Variants in ETV7 observed in about 807,000 individuals in gnomAD.
ETV7 encodes the protein transcription factor ETV7.
ETV7 carries 43 observed loss-of-function variants against 39.1 expected under a neutral mutation model. That is an observed-to-expected ratio of 1.10 (90% CI 0.86 to 1.42). The LOEUF (loss-of-function observed/expected upper bound fraction) is 1.42, where lower values mean the gene tolerates loss of function less well. ETV7 is among the 40% of genes most tolerant of loss of function. The pLI is 0.00. For synonymous variants in ETV7, 196 were observed against 176.6 expected, an observed-to-expected ratio of 1.11 and a Z score of -0.87; for missense variants, 432 against 442.3, an observed-to-expected ratio of 0.98 and a Z score of 0.21.
In ETV7 at chr6:36,373,531, C is replaced by T. The variant is rs750639058; in HGVS notation, c.355G>A (p.Ala119Thr). The change falls in exon 4 of 8, where the codon GCC (alanine) becomes ACC (threonine). Residue 119 changes from alanine (A) to threonine (T), a missense_variant. Coordinates refer to ENST00000340181, the MANE Select transcript of ETV7 (RefSeq NM_016135.4). ...LLQYIKTQRRALVCGPFFGGI... is the reference protein window; with the variant it reads ...LLQYIKTQRRTLVCGPFFGGI... ...CCAAAAAAGGGCCCACACACCAGGG[C>T]TCGCCGCTGGGTCTTGATGTACTGG... 3.2e-6 allele frequency: 5 copies of T among 1,543,320 alleles called. No homozygotes were observed. The highest frequency in any genetic ancestry group is 3.5e-6 in the Non-Finnish European group (4 of 1,144,072).
At position 36,359,456 on chromosome 6, in the gene ETV7, AAAAAAAGAAAAAAG is replaced by A. The variant is rs372089484; in HGVS notation, c.909-4783_909-4770del. Among the ~76,000 whole-genome samples, 797 of 151,970 alleles carry A rather than the reference AAAAAAAGAAAAAAG, an allele frequency of 5.2e-3. 6 individuals are homozygous for A. The highest frequency in any genetic ancestry group is 0.018 in the African/African-American group (750 of 41,374). The stretch of plus-strand genomic sequence containing the variant: ...ACAAGAGCGAAACTCAGTCTCAAAA[AAAAAAAGAAAAAAG>A]AAAAAAAGAAAAAAGAAAGAAAGGG... On this transcript the variant is annotated intron_variant, in intron 7 of 7. Transcript: ENST00000339796.
At position 36,375,980 on chromosome 6, in the gene ETV7, T is replaced by C; in HGVS notation, c.198A>G (p.Ala66=). 3 of 1,612,250 alleles carry C rather than the reference T, an allele frequency of 1.9e-6. No individual in the cohort carries two copies. Among genetic ancestry groups the C allele is most frequent in the Non-Finnish European group, 2.5e-6 (3 of 1,180,000 alleles). The change falls in exon 3 of 8, where the codon GCA becomes GCG. Residue 66 remains alanine (A), a synonymous_variant. Coordinates refer to ENST00000340181, the MANE Select transcript of ETV7 (RefSeq NM_016135.4). Reference sequence around the variant, plus strand: ...TGCATGGCAGAGAGTACTCCTGCTCTGCCCAGCGCAGCCAGTGCAGCACGT... The same window carrying C: ...TGCATGGCAGAGAGTACTCCTGCTCCGCCCAGCGCAGCCAGTGCAGCACGT... The part of the protein sequence containing the change: ...REDVLHWLRW[A]EQEYSLPCTA...
intron 7 of ETV7, among the ~76,000 whole-genome samples, chr6:36,357,146 G>A (rs1366633824): frequency 6.6e-6 from 1 of 152,178 alleles, no homozygotes; most frequent in Non-Finnish European, 1.5e-5. Context: ...GATACCATTT[G>A]CCACTGAGAG....
At position 36,382,166 on chromosome 6, in the gene ETV7, G is replaced by T. The variant is rs77354262; in HGVS notation, c.142+3368C>A. Reference sequence around the variant, plus strand: ...GGGCAGCATTTCTCAAACCATTTTTGACCTCAACCCATGGTAAACAAATAA... The same window carrying T: ...GGGCAGCATTTCTCAAACCATTTTTTACCTCAACCCATGGTAAACAAATAA... On this transcript the variant is annotated intron_variant, in intron 2 of 7. Transcript: ENST00000340181. Among the ~76,000 whole-genome samples the T allele has an allele frequency of 1.9e-4, 29 of 152,076 alleles. No individual in the cohort carries two copies. The East Asian group carries it at 5.6e-3, about 29-fold the overall frequency.
chr6:36,355,582 T>G (rs1463736489), intron 7 of ETV7, among the ~76,000 whole-genome samples: 1 of 152,222 alleles, frequency 6.6e-6, no homozygotes, highest in Non-Finnish European at 1.5e-5. Context: ...TGGCTAACTT[T>G]TGTATTTTTT....
intron 5 of ETV7, among the ~76,000 whole-genome samples, chr6:36,370,235 G>A (rs1159592226): frequency 6.6e-6 from 1 of 152,076 alleles, no homozygotes; most frequent in Non-Finnish European, 1.5e-5. Context: ...AGCCAGGGTG[G>A]AAAAAACTAC....
intron 2 of ETV7, among the ~76,000 whole-genome samples, chr6:36,384,522 G>C (rs746927037): frequency 1.6e-4 from 24 of 152,296 alleles, no homozygotes; most frequent in Middle Eastern, 3.4e-3. Context: ...GGATTTCCCA[G>C]GGCTCAGAGG....
At chr6:36,373,927 C>G (rs954479179) in intron 3 of ETV7, among the ~76,000 whole-genome samples, 5 of 152,202 alleles carry the variant, frequency 3.3e-5, no homozygotes, top group Admixed American at 6.5e-5. Flanking sequence ...CTGTACCTCA[C>G]GTTCCTGGGA....
chr6:36,368,879 C>T (rs1181302491), intron 6 of ETV7, 50 bp downstream of exon 6: 1 of 1,613,316 alleles, frequency 6.2e-7, no homozygotes. Flanking sequence ...TGACCCCCAA[C>T]TCTGTCCCCT....
downstream of ETV7, among the ~76,000 whole-genome samples, chr6:36,362,536 T>C (rs891911471): frequency 6.6e-6 from 1 of 152,146 alleles, no homozygotes; most frequent in East Asian, 1.9e-4. Context: ...TTTAATTGTA[T>C]GAAAAATGGA....
chr6:36,374,958 A>G (rs184428197), intron 3 of ETV7, among the ~76,000 whole-genome samples: 1 of 151,942 alleles, frequency 6.6e-6, no homozygotes, highest in East Asian at 1.9e-4. Context: ...AATCCCAGCT[A>G]CTCAGAATGC....
intron 2 of ETV7, 37 bp downstream of exon 2, chr6:36,385,497 T>C (rs903598055): frequency 2.5e-6 from 4 of 1,613,778 alleles, no homozygotes; most frequent in Middle Eastern, 1.7e-4. Context: ...AAAAATTTAC[T>C]TTTAAAAACT....
intron 2 of ETV7, among the ~76,000 whole-genome samples, chr6:36,382,057 C>T (rs2127401556): frequency 6.6e-6 from 1 of 152,280 alleles, no homozygotes; most frequent in Non-Finnish European, 1.5e-5. Context: ...CGCTTTTAAT[C>T]TCCATCCTCC....
At chr6:36,368,832 C>T in intron 6 of ETV7, 97 bp downstream of exon 6, 1 of 1,508,466 alleles carries the variant, frequency 6.6e-7, no homozygotes, top group Non-Finnish European at 9.0e-7. Flanking sequence ...AAGGCCCCAT[C>T]AGCTGAGGAT....
intron 1 of ETV7, among the ~76,000 whole-genome samples, chr6:36,386,426 T>A (rs994150042): frequency 6.6e-6 from 1 of 152,204 alleles, no homozygotes; most frequent in African/African-American, 2.4e-5. Flanking sequence ...TCTTTACAAT[T>A]CAACAATCAG....
At chr6:36,379,142 T>C (rs1773522056) in intron 2 of ETV7, among the ~76,000 whole-genome samples, 1 of 152,246 alleles carries the variant, frequency 6.6e-6, no homozygotes, top group Non-Finnish European at 1.5e-5. Flanking sequence ...CAGCCAGGGC[T>C]TCCGCGGCTA....
At chr6:36,356,240 A>T (rs370580524) in intron 7 of ETV7, among the ~76,000 whole-genome samples, 5 of 151,084 alleles carry the variant, frequency 3.3e-5, no homozygotes, top group African/African-American at 1.2e-4. Context: ...TTTTGAGACC[A>T]GCCTAGGCAA....
chr6:36,382,867 G>A (rs147103176), intron 2 of ETV7, among the ~76,000 whole-genome samples: 2 of 152,258 alleles, frequency 1.3e-5, no homozygotes, highest in East Asian at 3.9e-4. Context: ...TTTTCTCTGG[G>A]GAATAAGCTC....
chr6:36,365,294 C>T (rs1373659889), downstream of ETV7, among the ~76,000 whole-genome samples: 1 of 152,216 alleles, frequency 6.6e-6, no homozygotes, highest in Non-Finnish European at 1.5e-5. Flanking sequence ...GAAGCTGACC[C>T]ATTGGACCGA....
Sources: gnomAD v4.1 joint callset for allele counts (sites outside exome capture counted in the v4.1 genomes callset) on GRCh38, gnomAD v4.1.1 for gene constraint, MANE v1.5 for transcripts, NCBI Gene and HGNC (gene_info 2026-07-23, HGNC 2026-07-21) for gene names.